SEMA6D: variants seen among roughly 807,000 people sequenced by gnomAD.
SEMA6D encodes semaphorin 6D.
Under a neutral mutation model 106.6 loss-of-function variants are expected in SEMA6D, and 35 were observed. The observed-to-expected ratio is 0.33, with a 90% CI of 0.25 to 0.44. The LOEUF is 0.44. SEMA6D is among the 20% of genes least tolerant of loss of function. SEMA6D has a pLI of 1.00. For missense variants in SEMA6D, 1,185 were observed against 1,345.9 expected (o/e 0.88, Z 1.87); for synonymous variants, 499 against 487.7 (o/e 1.02, Z -0.31).
chr15:47,680,683 C>A (rs996887439), intron 4 of SEMA6D, among the ~76,000 whole-genome samples: 3 of 151,926 alleles, frequency 2.0e-5, no homozygotes, highest in African/African-American at 7.3e-5. Context: ...TATGTGTAAA[C>A]CATATATCTG....
At chr15:47,397,114 G>C (rs1193178596) in intron 1 of SEMA6D, among the ~76,000 whole-genome samples, 1 of 152,174 alleles carries the variant, frequency 6.6e-6, no homozygotes, top group African/African-American at 2.4e-5. Flanking sequence ...CATAGTAGAG[G>C]TTGAAGGACT....
intron 4 of SEMA6D, among the ~76,000 whole-genome samples, chr15:47,651,158 C>A (rs2077682452): frequency 6.6e-6 from 1 of 152,076 alleles, no homozygotes; most frequent in Non-Finnish European, 1.5e-5. Flanking sequence ...ACCTGTAATC[C>A]CAGCACTTTG....
intron 4 of SEMA6D, among the ~76,000 whole-genome samples, chr15:47,653,088 T>A (rs2077724032): frequency 6.6e-6 from 1 of 152,208 alleles, no homozygotes; most frequent in Admixed American, 6.5e-5. Flanking sequence ...AAGGGTATGA[T>A]AAAAATAGTT....
At chr15:47,414,535 G>T (rs1358321691) in intron 2 of SEMA6D, among the ~76,000 whole-genome samples, 3 of 152,108 alleles carry the variant, frequency 2.0e-5, no homozygotes, top group Non-Finnish European at 4.4e-5. Context: ...CTCACATCTG[G>T]ACCACAGAAG....
chr15:47,257,395 T>G lies in SEMA6D; in HGVS notation c.-239+72977T>G, dbSNP rs901683244. ...TTCTTTAGGTAGGAACTTCAATTAT[T>G]GATTTGAAACTTTCCTCATTTCTAG... On this transcript the variant is annotated intron_variant, in intron 1 of 19. Transcript: ENST00000558014. 5.3e-5 allele frequency among the ~76,000 whole-genome samples: 8 copies of G among 152,328 alleles called. 1 individual carries two copies. The highest frequency in any genetic ancestry group is 1.3e-4 in the Admixed American group (2 of 15,292).
chr15:47,575,227 C>A (rs1348019857), intron 3 of SEMA6D, among the ~76,000 whole-genome samples: 3 of 152,194 alleles, frequency 2.0e-5, no homozygotes, highest in African/African-American at 7.2e-5. Flanking sequence ...GAAACAGGAT[C>A]AGAGGATACA....
chr15:47,569,287 T>C lies in SEMA6D; in HGVS notation c.-86-31578T>C, dbSNP rs537611036. On this transcript the variant is annotated intron_variant, in intron 3 of 19. Coordinates refer to the SEMA6D transcript ENST00000558014. The stretch of plus-strand genomic sequence containing the variant: ...TCCACCTGGCTGCTGGGTAATTCAG[T>C]ATCTGTTACTACTGGCTCTCCCTTT... Among the ~76,000 whole-genome samples the C allele has an allele frequency of 2.6e-5, 4 of 152,322 alleles. No individual in the cohort carries two copies. In the South Asian group the frequency reaches 8.3e-4, roughly 32 times the overall value.
chr15:47,205,374 G>T (rs966519361), intron 1 of SEMA6D, among the ~76,000 whole-genome samples: 2 of 152,056 alleles, frequency 1.3e-5, no homozygotes, highest in Non-Finnish European at 2.9e-5. Context: ...TATAGCGAGG[G>T]TCTAACATAT....
At chr15:47,623,536 G>T (rs918340877) in intron 4 of SEMA6D, among the ~76,000 whole-genome samples, 2 of 152,168 alleles carry the variant, frequency 1.3e-5, no homozygotes, top group African/African-American at 4.8e-5. Flanking sequence ...GCATCATCAA[G>T]CAAATAATTA....
rs556490446 is a variant in SEMA6D, at chr15:47,275,743, C to T, written c.-239+91325C>T. On this transcript the variant is annotated intron_variant, in intron 1 of 19. Transcript: ENST00000558014. ...GGCCAATTAGTAACCCTACATTGGC[C>T]TCTAAGTATTCAAGTGATAGGAAAA... 3.7e-4 allele frequency among the ~76,000 whole-genome samples: 57 copies of T among 152,168 alleles called. 1 individual carries two copies. The highest frequency in any genetic ancestry group is 1.3e-3 in the African/African-American group (56 of 41,530).
In SEMA6D at chr15:47,731,976, C is replaced by T. The variant is rs149382550; in HGVS notation, c.-55+14284C>T. Among the ~76,000 whole-genome samples, 287 of 152,304 alleles carry T rather than the reference C, an allele frequency of 1.9e-3. 2 individuals carry two copies. The South Asian group carries it at 0.024, about 13-fold the overall frequency. Reference sequence around the variant, plus strand: ...TTGGAAACCCATCCTGTTTCCTTAACAGATTTGAGAAATTGGGTATATCAC... The same window carrying T: ...TTGGAAACCCATCCTGTTTCCTTAATAGATTTGAGAAATTGGGTATATCAC... On this transcript the variant is annotated intron_variant, in intron 1 of 18. Coordinates refer to ENST00000536845, the MANE Select transcript of SEMA6D (RefSeq NM_001358351.3).
At chr15:47,397,320 A>T (rs1222192385) in intron 1 of SEMA6D, among the ~76,000 whole-genome samples, 1 of 152,206 alleles carries the variant, frequency 6.6e-6, no homozygotes, top group Non-Finnish European at 1.5e-5. Flanking sequence ...TAAAGTCATA[A>T]ACCAAATGAA....
intron 3 of SEMA6D, among the ~76,000 whole-genome samples, chr15:47,497,127 A>G (rs1339338747): frequency 6.7e-6 from 1 of 148,572 alleles, no homozygotes; most frequent in Non-Finnish European, 1.5e-5. Flanking sequence ...TTCTTTTGTC[A>G]TCTCTTCCTT....
chr15:47,507,456 C>T (rs182272404), intron 3 of SEMA6D, among the ~76,000 whole-genome samples: 2 of 151,390 alleles, frequency 1.3e-5, no homozygotes, highest in African/African-American at 4.8e-5. Context: ...TTTCTAAGTG[C>T]CAGAGCCAGA....
chr15:47,284,445 G>A (rs1450102998), intron 1 of SEMA6D, among the ~76,000 whole-genome samples: 1 of 152,130 alleles, frequency 6.6e-6, no homozygotes, highest in Non-Finnish European at 1.5e-5. Context: ...GTCCTTTCTA[G>A]GTTTTTAAGT....
rs571564318 is a variant in SEMA6D, at chr15:47,409,166, T to A, written c.-238-3227T>A. Among the ~76,000 whole-genome samples the A allele has an allele frequency of 5.9e-5, 9 of 152,316 alleles. No individual in the cohort carries two copies. In the East Asian group the frequency reaches 1.3e-3, roughly 23 times the overall value. On this transcript the variant is annotated intron_variant, in intron 1 of 19. Transcript: ENST00000558014. Reference sequence around the variant, plus strand: ...CAAATGCTGATAGTTTATTTAAGCTTGTAGACAGCTTTTTCTTGCCTATCG... The same window carrying A: ...CAAATGCTGATAGTTTATTTAAGCTAGTAGACAGCTTTTTCTTGCCTATCG...
chr15:47,444,615 C>A (rs939331702), intron 2 of SEMA6D, among the ~76,000 whole-genome samples: 12 of 152,072 alleles, frequency 7.9e-5, no homozygotes, highest in Non-Finnish European at 1.5e-4. Flanking sequence ...CTAAGTCAGA[C>A]AAAATTCCTG....
chr15:47,357,926 G>T (rs184467562), intron 1 of SEMA6D, among the ~76,000 whole-genome samples: 106 of 152,198 alleles, frequency 7.0e-4, no homozygotes, highest in Non-Finnish European at 2.6e-4. Flanking sequence ...GATTTTGGTG[G>T]GGAATTCTTA....
intron 2 of SEMA6D, among the ~76,000 whole-genome samples, chr15:47,448,374 G>A (rs374158404): frequency 1.8e-5 from 2 of 112,610 alleles, no homozygotes; most frequent in African/African-American, 9.4e-5. Flanking sequence ...GTCTTGTGAG[G>A]CTTCAGTGAT....
Sources: allele counts gnomAD v4.1 joint callset (sites outside exome capture counted in the v4.1 genomes callset), GRCh38; gene constraint gnomAD v4.1.1; transcripts MANE v1.5; gene names NCBI Gene and HGNC (gene_info 2026-07-23, HGNC 2026-07-21).